SPECC1: variants seen among roughly 807,000 people sequenced by gnomAD.
The protein encoded by SPECC1 is cytospin-B.
A neutral mutation model predicts 104.1 loss-of-function variants in SPECC1; 62 were observed. That is an observed-to-expected ratio of 0.60 (90% CI 0.49 to 0.74). The LOEUF (loss-of-function observed/expected upper bound fraction) is 0.74. Ranked by LOEUF, SPECC1 falls within the 30% of genes least tolerant of loss-of-function variation. SPECC1 has a pLI of 0.00. For synonymous variants in SPECC1, 513 were observed against 501.6 expected (o/e 1.02, Z -0.30); for missense variants, 1,306 against 1,310.5 (o/e 1.00, Z 0.05).
At chr17:20,133,624 G>T (rs957940765) in intron 3 of SPECC1, among the ~76,000 whole-genome samples, 1 of 151,656 alleles carries the variant, frequency 6.6e-6, no homozygotes, top group African/African-American at 2.4e-5. Context: ...ACTACTCCTC[G>T]GCCACCATGG....
chr17:20,297,870 G>A (rs559705882), intron 13 of SPECC1, among the ~76,000 whole-genome samples: 9 of 152,302 alleles, frequency 5.9e-5, no homozygotes, highest in Non-Finnish European at 8.8e-5. Context: ...TAAGAAAACA[G>A]GCAACAATAG....
intron 3 of SPECC1, among the ~76,000 whole-genome samples, chr17:20,196,324 G>A (rs1346058161): frequency 3.9e-5 from 6 of 152,148 alleles, no homozygotes; most frequent in Non-Finnish European, 8.8e-5. Context: ...TTTTAATTGT[G>A]TATTAGGTGT....
chr17:20,245,675 T>C (rs1178423682), intron 7 of SPECC1, among the ~76,000 whole-genome samples: 4 of 152,160 alleles, frequency 2.6e-5, no homozygotes, highest in Non-Finnish European at 4.4e-5. Context: ...AGAGCTAATA[T>C]CAAGTCACTC....
At chr17:20,042,311 G>C (rs1406569723) in intron 1 of SPECC1, among the ~76,000 whole-genome samples, 3 of 150,032 alleles carry the variant, frequency 2.0e-5, no homozygotes, top group Admixed American at 2.0e-4. Context: ...GCTAGGAGGG[G>C]TAGGAGTGCC....
At chr17:20,063,589 G>A (rs181221472) in intron 1 of SPECC1, among the ~76,000 whole-genome samples, 3 of 152,286 alleles carry the variant, frequency 2.0e-5, no homozygotes, top group African/African-American at 4.8e-5. Flanking sequence ...GAGAAGACCC[G>A]TTCATGTAGA....
At chr17:20,226,464 C>T (rs2038212158) in intron 4 of SPECC1, among the ~76,000 whole-genome samples, 1 of 152,004 alleles carries the variant, frequency 6.6e-6, no homozygotes, top group Non-Finnish European at 1.5e-5. Context: ...TGGACACATG[C>T]ATATATAGTA....
At chr17:20,226,268 A>C (rs1410475940) in intron 4 of SPECC1, among the ~76,000 whole-genome samples, 1 of 152,204 alleles carries the variant, frequency 6.6e-6, no homozygotes, top group African/African-American at 2.4e-5. Flanking sequence ...ACTTAGCATG[A>C]TGTGTATCAG....
intron 1 of SPECC1, among the ~76,000 whole-genome samples, chr17:20,031,339 G>T (rs1344079126): frequency 3.3e-5 from 5 of 151,746 alleles, no homozygotes; most frequent in African/African-American, 1.2e-4. Context: ...TATTTTTTGA[G>T]ACGGAGTTTT....
intron 1 of SPECC1, among the ~76,000 whole-genome samples, chr17:20,043,415 C>A (rs1036633585): frequency 1.5e-4 from 23 of 152,188 alleles, no homozygotes; most frequent in Non-Finnish European, 3.4e-4. Context: ...TTTTCTAATT[C>A]TCTCATTTCC....
intron 1 of SPECC1, among the ~76,000 whole-genome samples, chr17:20,040,965 T>A (rs1337160988): frequency 2.0e-5 from 3 of 152,144 alleles, no homozygotes; most frequent in African/African-American, 7.2e-5. Context: ...TTTATTTTAG[T>A]CTCAGAGGTC....
chr17:20,095,314 T>G (rs557140420), intron 1 of SPECC1, among the ~76,000 whole-genome samples: 2 of 152,324 alleles, frequency 1.3e-5, no homozygotes, highest in Admixed American at 1.3e-4. Flanking sequence ...CTGAACTAAT[T>G]ATGTAACTGA....
At chr17:20,067,000 C>T (rs1378282763) in intron 1 of SPECC1, among the ~76,000 whole-genome samples, 1 of 151,244 alleles carries the variant, frequency 6.6e-6, no homozygotes, top group Non-Finnish European at 1.5e-5. Context: ...ATCTTCCCGC[C>T]TTGGCCTGCC....
intron 1 of SPECC1, among the ~76,000 whole-genome samples, chr17:20,014,640 G>A (rs972724958): frequency 1.3e-5 from 2 of 152,180 alleles, no homozygotes; most frequent in African/African-American, 4.8e-5. Context: ...CTGGTATCTA[G>A]GAAGAAGTGC....
chr17:20,010,111 T>G (rs1282575263), intron 1 of SPECC1: 1 of 150,074 alleles, frequency 6.7e-6, no homozygotes, highest in Non-Finnish European at 1.5e-5. Context: ...CCTTCCCCAG[T>G]GCCCATGCAA....
intron 1 of SPECC1, among the ~76,000 whole-genome samples, chr17:20,051,125 T>TTTCC (rs1488525603): frequency 0.019 from 1,271 of 66,984 alleles, 13 homozygotes; most frequent in African/African-American, 0.03. Flanking sequence ...TCTTTCTTTC[T>TTTCC]TTCTTTCTTT....
chr17:20,170,507 C>G (rs2034006714), intron 3 of SPECC1, among the ~76,000 whole-genome samples: 1 of 152,174 alleles, frequency 6.6e-6, no homozygotes, highest in African/African-American at 2.4e-5. Context: ...CCCAGAAATC[C>G]TGAGCCAGTG....
chr17:20,045,839 G>A (rs1489075483), intron 1 of SPECC1, among the ~76,000 whole-genome samples: 1 of 152,048 alleles, frequency 6.6e-6, no homozygotes, highest in Non-Finnish European at 1.5e-5. Flanking sequence ...TTGGGCTGGG[G>A]GAGGTCACAG....
chr17:20,211,502 C>G (rs896349769), intron 4 of SPECC1, among the ~76,000 whole-genome samples: 1 of 152,266 alleles, frequency 6.6e-6, no homozygotes, highest in African/African-American at 2.4e-5. Flanking sequence ...AGGCCTCAGC[C>G]TGGCTGTGCA....
intron 4 of SPECC1, among the ~76,000 whole-genome samples, chr17:20,217,766 C>T (rs1316152885): frequency 6.6e-6 from 1 of 152,168 alleles, no homozygotes; most frequent in African/African-American, 2.4e-5. Context: ...AATTCATCTT[C>T]TGGCCAGGCA....
Sources: allele counts gnomAD v4.1 joint callset (sites outside exome capture counted in the v4.1 genomes callset), GRCh38; gene constraint gnomAD v4.1.1; transcripts MANE v1.5; gene names NCBI Gene and HGNC (gene_info 2026-07-23, HGNC 2026-07-21).